CWH43: variants seen among roughly 807,000 people sequenced by gnomAD.
CWH43 encodes the protein cell wall biogenesis 43 C-terminal homolog, also known as PGAP2-interacting protein.
A neutral mutation model predicts 85.7 loss-of-function variants in CWH43; 91 were observed. The ratio of observed to expected loss-of-function variants is 1.06; its 90% confidence interval spans 0.90 to 1.26. CWH43 has a LOEUF of 1.26. Ranked by LOEUF, CWH43 falls within the 50% of genes most tolerant of loss-of-function variation. CWH43 has a pLI of 0.00. For synonymous variants in CWH43, 323 were observed against 293.6 expected (o/e 1.10, Z -1.02); for missense variants, 869 against 839.2 (o/e 1.04, Z -0.44).
At chr4:49,032,353 A>T (rs765608931) in intron 11 of CWH43, among the ~76,000 whole-genome samples, 15 of 152,152 alleles carry the variant, frequency 9.9e-5, no homozygotes, top group Non-Finnish European at 1.6e-4. Context: ...AACAGAGTTG[A>T]TGGTGTTTCC....
Position 49,062,025 on chromosome 4 carries a change from T to A in CWH43, c.*135T>A. The A allele has an allele frequency of 7.2e-6, 4 of 556,594 alleles. No homozygotes were observed. The highest frequency in any genetic ancestry group is 3.3e-4 in the Middle Eastern group (1 of 3,030). The allele number at this position is 556,594 out of a possible 1,614,324, so 34.5% of individuals were successfully genotyped here. A position where few individuals can be genotyped will look rare whatever the true frequency, so the allele number is the denominator to read the frequency against. ...TAAAAAACACATGGTATCTATGCAG[T>A]GGGAAATTACCTCCATTTGTAAACT... On this transcript the variant is annotated 3_prime_UTR_variant, in exon 16 of 16. Coordinates refer to ENST00000226432, the MANE Select transcript of CWH43 (RefSeq NM_025087.3).
intron 6 of CWH43, among the ~76,000 whole-genome samples, chr4:49,002,404 T>C (rs1247771730): frequency 1.3e-5 from 2 of 152,180 alleles, no homozygotes; most frequent in Non-Finnish European, 2.9e-5. Context: ...CACTAGTAAA[T>C]GTTCCTGATA....
chr4:49,003,718 TTC>T lies in CWH43; in HGVS notation c.803-10_803-9del. 6.2e-7 allele frequency: 1 copy of T among 1,613,000 alleles called. No homozygotes were observed. Among genetic ancestry groups the T allele is most frequent in the South Asian group, 1.1e-5 (1 of 90,942 alleles). ...TCGACTGCTTTCCTGTCTGATTCTT[TTC>T]TCTCTCACAAACAGGAACAGCTTCA... On this transcript the variant is annotated splice_polypyrimidine_tract_variant and intron_variant, in intron 6 of 15. Transcript: ENST00000226432.
rs934381135 is a variant in CWH43 at position 48,994,532 on chromosome 4, T to G, written c.512-87T>G. ...GTAAGCTTCTTGAAGCCAAATACCATTTCTTCCTTGCTAAAAGTCTGCTAA... is the reference window on the plus strand; with the variant it reads ...GTAAGCTTCTTGAAGCCAAATACCAGTTCTTCCTTGCTAAAAGTCTGCTAA... On this transcript the variant is annotated intron_variant, in intron 4 of 15. Transcript: ENST00000226432. 17 of 1,138,932 alleles carry G rather than the reference T, an allele frequency of 1.5e-5. No homozygotes were observed. The African/African-American group carries it at 2.7e-4, about 18-fold the overall frequency. 70.6% of individuals were successfully genotyped at this position (1,138,932 alleles called of 1,614,324 possible).
intron 9 of CWH43, 24 bp from the exon 10 acceptor site, chr4:49,028,605 A>C: frequency 6.4e-7 from 1 of 1,565,552 alleles, no homozygotes; most frequent in Non-Finnish European, 8.8e-7. Flanking sequence ...GTCATCCTAA[A>C]CTACCATTAA....
chr4:49,059,893 G>T (rs1276348559), intron 15 of CWH43, among the ~76,000 whole-genome samples: 1 of 152,122 alleles, frequency 6.6e-6, no homozygotes, highest in African/African-American at 2.4e-5. Context: ...AGCCACCCTG[G>T]TGCTGGAATG....
At chr4:49,045,914 T>G (rs2109832270) in intron 14 of CWH43, among the ~76,000 whole-genome samples, 1 of 152,218 alleles carries the variant, frequency 6.6e-6, no homozygotes, top group East Asian at 1.9e-4. Flanking sequence ...AAATATATAG[T>G]ACATTGTTGT....
chr4:49,060,185 AG>A (rs1171228733), intron 15 of CWH43, among the ~76,000 whole-genome samples: 3 of 151,456 alleles, frequency 2.0e-5, no homozygotes, highest in Non-Finnish European at 2.9e-5. Context: ...CTGGTTGCAT[AG>A]GGGCCAGCCT....
intron 10 of CWH43, among the ~76,000 whole-genome samples, chr4:49,030,175 C>A (rs757459569): frequency 2.0e-5 from 3 of 152,172 alleles, no homozygotes; most frequent in Non-Finnish European, 2.9e-5. Context: ...TTCAGTGCTC[C>A]GGGGTGCTCA....
chr4:49,014,090 T>G (rs1338791890), intron 8 of CWH43, among the ~76,000 whole-genome samples: 1 of 152,188 alleles, frequency 6.6e-6, no homozygotes, highest in Non-Finnish European at 1.5e-5. Context: ...TCTCTATGTA[T>G]TTCCAAAAGA....
intron 15 of CWH43, among the ~76,000 whole-genome samples, chr4:49,060,898 G>T (rs879629151): frequency 6.6e-6 from 1 of 152,036 alleles, no homozygotes; most frequent in Admixed American, 6.5e-5. Context: ...ATGTATGTGC[G>T]TATATCTGTG....
At chr4:49,042,272 C>T (rs1328482613) in intron 13 of CWH43, among the ~76,000 whole-genome samples, 8 of 152,278 alleles carry the variant, frequency 5.3e-5, no homozygotes, top group African/African-American at 1.9e-4. Context: ...CTCTGCCTTG[C>T]AGCTGATTTC....
intron 15 of CWH43, among the ~76,000 whole-genome samples, chr4:49,057,422 G>A (rs1045975902): frequency 6.6e-6 from 1 of 152,236 alleles, no homozygotes; most frequent in Non-Finnish European, 1.5e-5. Flanking sequence ...TCTGAAAGAG[G>A]CAGTAAATAT....
intron 8 of CWH43, among the ~76,000 whole-genome samples, chr4:49,014,388 C>T (rs1359820070): frequency 6.6e-6 from 1 of 151,114 alleles, no homozygotes; most frequent in African/African-American, 2.4e-5. Context: ...ATCTTTTGAG[C>T]CTGGGAGGTC....
At chr4:49,059,054 C>T (rs975744309) in intron 15 of CWH43, among the ~76,000 whole-genome samples, 1 of 151,958 alleles carries the variant, frequency 6.6e-6, no homozygotes, top group Non-Finnish European at 1.5e-5. Context: ...AATAAGCTTT[C>T]TCTCCCTTTT....
chr4:49,041,019 G>C (rs914437431), intron 13 of CWH43, among the ~76,000 whole-genome samples: 8 of 152,144 alleles, frequency 5.3e-5, no homozygotes, highest in African/African-American at 1.7e-4. Context: ...CCCATGGCTT[G>C]TTTTTGTCAG....
intron 9 of CWH43, among the ~76,000 whole-genome samples, chr4:49,022,715 C>T (rs1441447688): frequency 1.3e-5 from 2 of 152,064 alleles, no homozygotes; most frequent in Non-Finnish European, 2.9e-5. Flanking sequence ...ATTGCCATTT[C>T]AATCTGGCTG....
At chr4:49,001,531 G>A (rs1180178656) in intron 6 of CWH43, among the ~76,000 whole-genome samples, 1 of 152,132 alleles carries the variant, frequency 6.6e-6, no homozygotes, top group Non-Finnish European at 1.5e-5. Flanking sequence ...CTTTGTATGT[G>A]TAGGGTATCT....
intron 7 of CWH43, among the ~76,000 whole-genome samples, chr4:49,004,719 C>A (rs749465839): frequency 7.2e-5 from 11 of 152,036 alleles, no homozygotes; most frequent in Non-Finnish European, 1.5e-4. Context: ...ATATTTGTAA[C>A]AAAAAATTCA....
Sources: gnomAD v4.1 joint callset for allele counts (sites outside exome capture counted in the v4.1 genomes callset) on GRCh38, gnomAD v4.1.1 for gene constraint, MANE v1.5 for transcripts, NCBI Gene and HGNC (gene_info 2026-07-23, HGNC 2026-07-21) for gene names.